Variants in ANKS6 observed in about 807,000 individuals in gnomAD.
The protein encoded by ANKS6 is ankyrin repeat and sterile alpha motif domain containing 6, also known as ankyrin repeat and SAM domain-containing protein 6.
Under a neutral mutation model 77.9 loss-of-function variants are expected in ANKS6, and 47 were observed. The observed-to-expected ratio is 0.60, with a 90% CI of 0.48 to 0.77. The LOEUF (loss-of-function observed/expected upper bound fraction) is 0.77, where lower values mean the gene tolerates loss of function less well. Ranked by LOEUF, ANKS6 falls within the 30% of genes least tolerant of loss-of-function variation. The probability of loss-of-function intolerance (pLI) is 0.00; values close to 1 mark genes in which losing one functional copy is unlikely to be tolerated. For synonymous variants in ANKS6, 488 were observed against 501.7 expected, an observed-to-expected ratio of 0.97 and a Z score of 0.37; for missense variants, 1,150 against 1,159.1, an observed-to-expected ratio of 0.99 and a Z score of 0.11.
chr9:98,739,997 C>T (rs1486238580), intron 14 of ANKS6, among the ~76,000 whole-genome samples: 1 of 151,856 alleles, frequency 6.6e-6, no homozygotes, highest in South Asian at 2.1e-4. Flanking sequence ...CCTCGTGATC[C>T]GCCCGCCTCG....
Position 98,745,695 on chromosome 9 carries a change from T to C in ANKS6, c.2395-20A>G, listed in dbSNP as rs376721925. The C allele has an allele frequency of 6.3e-6, 10 of 1,590,422 alleles. No homozygotes were observed. Among genetic ancestry groups the C allele is most frequent in the Non-Finnish European group, 7.8e-6 (9 of 1,158,520 alleles). ...GTCCACCTGGGGAGAGAGAGGGGATTTGCCACCATCTGCTGGATGCCACAG... is the reference window on the plus strand; with the variant it reads ...GTCCACCTGGGGAGAGAGAGGGGATCTGCCACCATCTGCTGGATGCCACAG... On this transcript the variant is annotated intron_variant, in intron 13 of 14. Transcript: ENST00000353234.
At position 98,736,592 on chromosome 9, in the gene ANKS6, A is replaced by C. The variant is rs772687191; in HGVS notation, c.2543T>G (p.Ile848Ser). The change falls in exon 15 of 15, where the codon ATT becomes AGT. Residue 848 changes from isoleucine (I) to serine (S), a missense_variant. Coordinates refer to ENST00000353234, the MANE Select transcript of ANKS6 (RefSeq NM_173551.5). ...CTCAAAGGAAGAGTGAAAGTTGTGA[A>C]TGGTTTCCTGTAAAATTTGTCTCTC... is the stretch of plus-strand genomic sequence containing the variant. ...GRERQILQET[I>S]HNFHSSFESS... The C allele has an allele frequency of 2.5e-6, 4 of 1,613,252 alleles. No individual in the cohort carries two copies. The East Asian group carries it at 8.9e-5, about 36-fold the overall frequency.
At position 98,771,053 on chromosome 9, in the gene ANKS6, G is replaced by C; in HGVS notation, c.1822-7C>G. 1 of 1,548,476 alleles carries C rather than the reference G, an allele frequency of 6.5e-7. No individual in the cohort carries two copies. Among genetic ancestry groups the C allele is most frequent in the Non-Finnish European group, 8.7e-7 (1 of 1,146,276 alleles). ...TAACAGGCCTGACGGGTGTCTACAA[G>C]AATAAGGCAGGTGCAGCACTTAGGG... On this transcript the variant is annotated splice_region_variant and splice_polypyrimidine_tract_variant and intron_variant, in intron 9 of 14. Coordinates refer to ENST00000353234, the MANE Select transcript of ANKS6 (RefSeq NM_173551.5).
intron 2 of ANKS6, 192 bp downstream of exon 2, chr9:98,789,912 G>T: frequency 1.3e-6 from 1 of 775,100 alleles, no homozygotes; most frequent in Non-Finnish European, 1.9e-6. Flanking sequence ...TCACTCTGCA[G>T]AGAGTGGGCC....
In ANKS6 at chr9:98,732,337, C is replaced by G; in HGVS notation, c.*4182G>C. ...ACGAGTTCCCTGCCCCCTTTTTACC[C>G]GCTGGATCAGCTTCTACGACTTGGT... On this transcript the variant is annotated 3_prime_UTR_variant, in exon 15 of 15. Coordinates refer to ENST00000353234, the MANE Select transcript of ANKS6 (RefSeq NM_173551.5). 1.2e-6 allele frequency: 1 copy of G among 808,576 alleles called. No homozygotes were observed. The allele number at this position is 808,576 out of a possible 1,614,324, so 50.1% of individuals were successfully genotyped here.
intron 3 of ANKS6, chr9:98,784,460 C>A: frequency 2.5e-6 from 1 of 403,778 alleles, no homozygotes; most frequent in Non-Finnish European, 4.4e-6. Context: ...TCAGGTCTCG[C>A]TGCGGGGTGA....
At position 98,778,440 on chromosome 9, in the gene ANKS6, A is replaced by T; in HGVS notation, c.1369-16T>A. ...TCCACCAGGACTGCCAAAGGAACGC[A>T]GAGCAGAAGTCATGCTCCAGGAAGG... On this transcript the variant is annotated splice_polypyrimidine_tract_variant and intron_variant, in intron 6 of 14. Coordinates refer to ENST00000353234, the MANE Select transcript of ANKS6 (RefSeq NM_173551.5). 6.2e-7 allele frequency: 1 copy of T among 1,612,178 alleles called. No homozygotes were observed. The highest frequency in any genetic ancestry group is 8.5e-7 in the Non-Finnish European group (1 of 1,178,964).
Position 98,775,231 on chromosome 9 carries a change from A to G in ANKS6, c.1618-1151T>C, listed in dbSNP as rs75100777. Among the ~76,000 whole-genome samples the G allele has an allele frequency of 1.2e-4, 19 of 152,360 alleles. No individual in the cohort carries two copies. In the East Asian group the frequency reaches 3.1e-3, roughly 25 times the overall value. On this transcript the variant is annotated intron_variant, in intron 8 of 14. Coordinates refer to ENST00000353234, the MANE Select transcript of ANKS6 (RefSeq NM_173551.5). ...ATTGTTGCTATCTTTCTGGAAGCCA[A>G]TGACATTCACAACCTTTGACCCAGG...
chr9:98,732,246 T>C lies in ANKS6; in HGVS notation c.*4273A>G. ...TACTTGGAAGTACAGGTCAGCGTTA[T>C]CCAAAGTTGTCCAGCCTCCGGCCTG... On this transcript the variant is annotated 3_prime_UTR_variant, in exon 15 of 15. Coordinates refer to ENST00000353234, the MANE Select transcript of ANKS6 (RefSeq NM_173551.5). The C allele has an allele frequency of 3.6e-6, 2 of 552,732 alleles. No individual in the cohort carries two copies. Among genetic ancestry groups the C allele is most frequent in the Non-Finnish European group, 6.5e-6 (2 of 309,410 alleles). 34.2% of individuals were successfully genotyped at this position (552,732 alleles called of 1,614,324 possible). A position where few individuals can be genotyped will look rare whatever the true frequency, so the allele number is the denominator to read the frequency against.
intron 13 of ANKS6, among the ~76,000 whole-genome samples, chr9:98,748,931 A>G (rs1346731657): frequency 6.6e-6 from 1 of 152,098 alleles, no homozygotes; most frequent in Non-Finnish European, 1.5e-5. Flanking sequence ...TGCATTATTA[A>G]TGGGGATAAT....
At chr9:98,750,193 C>T (rs773956484) in intron 13 of ANKS6, among the ~76,000 whole-genome samples, 2 of 152,206 alleles carry the variant, frequency 1.3e-5, no homozygotes, top group Non-Finnish European at 2.9e-5. Flanking sequence ...ACTCCTCCAC[C>T]CAACTCTCTG....
At chr9:98,756,683 A>G in intron 11 of ANKS6, 80 bp from the exon 12 acceptor site, 1 of 1,206,494 alleles carries the variant, frequency 8.3e-7, no homozygotes, top group Non-Finnish European at 1.1e-6. Context: ...CACAACAGGG[A>G]ACATGGGTGG....
rs1834803011 is a variant in ANKS6 at position 98,790,004 on chromosome 9, C to A, written c.862+100G>T. The A allele has an allele frequency of 2.7e-6, 4 of 1,466,846 alleles. No individual in the cohort carries two copies. The South Asian group carries it at 5.6e-5, about 21-fold the overall frequency. The allele number at this position is 1,466,846 out of a possible 1,614,324, so 90.9% of individuals were successfully genotyped here. A position where few individuals can be genotyped will look rare whatever the true frequency, so the allele number is the denominator to read the frequency against. ...TCTCAGTGGTCTGCAGGGCTGGACT[C>A]TGAGTTCTGCGTGTCCTTCCAGTAG... is the stretch of plus-strand genomic sequence containing the variant. On this transcript the variant is annotated intron_variant, in intron 2 of 14. Transcript: ENST00000353234.
chr9:98,779,060 C>G (rs1834081689), intron 6 of ANKS6, among the ~76,000 whole-genome samples: 1 of 152,192 alleles, frequency 6.6e-6, no homozygotes, highest in African/African-American at 2.4e-5. Flanking sequence ...GAGAACAACA[C>G]AGTCAGGAAG....
At chr9:98,789,801 T>G in intron 2 of ANKS6, 1 of 330,942 alleles carries the variant, frequency 3.0e-6, no homozygotes, top group Non-Finnish European at 5.5e-6. Flanking sequence ...TTGCCAAACC[T>G]TGTTGTAGAA....
intron 14 of ANKS6, among the ~76,000 whole-genome samples, chr9:98,742,824 G>A (rs1019794325): frequency 2.2e-4 from 29 of 132,778 alleles, no homozygotes; most frequent in African/African-American, 7.8e-4. Flanking sequence ...GATGCAGACT[G>A]TCGCAGAAGA....
At chr9:98,783,017 T>A (rs1834359843) in intron 4 of ANKS6, among the ~76,000 whole-genome samples, 2 of 149,736 alleles carry the variant, frequency 1.3e-5, no homozygotes, top group Non-Finnish European at 3.0e-5. Flanking sequence ...GTCTGGGAGG[T>A]CAAGGCAGCA....
At chr9:98,768,350 C>T in intron 10 of ANKS6, 100 bp from the exon 11 acceptor site, 1 of 1,410,304 alleles carries the variant, frequency 7.1e-7, no homozygotes, top group Non-Finnish European at 9.8e-7. Flanking sequence ...GAGCCAGTCT[C>T]CCAGACTCCC....
intron 6 of ANKS6, among the ~76,000 whole-genome samples, chr9:98,778,692 C>T (rs974431285): frequency 4.6e-5 from 7 of 152,204 alleles, no homozygotes; most frequent in African/African-American, 1.7e-4. Context: ...CTCATCTAAT[C>T]AATCTCCTCA....
Sources: gnomAD v4.1 joint callset for allele counts (sites outside exome capture counted in the v4.1 genomes callset) on GRCh38, gnomAD v4.1.1 for gene constraint, MANE v1.5 for transcripts, NCBI Gene and HGNC (gene_info 2026-07-23, HGNC 2026-07-21) for gene names.